The following ARHGAP24 variants were observed in gnomAD, a reference collection of about 807,000 sequenced individuals.
The protein encoded by ARHGAP24 is Rho GTPase activating protein 24, also known as rho GTPase-activating protein 24.
Under a neutral mutation model 76.4 loss-of-function variants are expected in ARHGAP24, and 50 were observed. The observed-to-expected ratio is 0.65, with a 90% CI of 0.52 to 0.83. ARHGAP24 has a LOEUF of 0.83. Ranked by LOEUF, ARHGAP24 falls within the 40% of genes least tolerant of loss-of-function variation. The pLI, the probability that ARHGAP24 is intolerant of heterozygous loss-of-function variation, is 0.00. For synonymous variants in ARHGAP24, 345 were observed against 323.3 expected (o/e 1.07, Z -0.72); for missense variants, 930 against 914.2 (o/e 1.02, Z -0.22).
intron 3 of ARHGAP24, among the ~76,000 whole-genome samples, chr4:85,920,688 A>C (rs1349105717): frequency 6.6e-6 from 1 of 152,200 alleles, no homozygotes; most frequent in Non-Finnish European, 1.5e-5. Context: ...AGAAAAAAAC[A>C]GCCCCATTAA....
intron 3 of ARHGAP24, among the ~76,000 whole-genome samples, chr4:85,810,065 G>A (rs1287640191): frequency 6.6e-6 from 1 of 152,106 alleles, no homozygotes; most frequent in Admixed American, 6.5e-5. Flanking sequence ...CTGTCGAGAG[G>A]ATAATAAAAA....
At chr4:85,920,304 A>G (rs1213785099) in intron 3 of ARHGAP24, among the ~76,000 whole-genome samples, 1 of 152,138 alleles carries the variant, frequency 6.6e-6, no homozygotes, top group African/African-American at 2.4e-5. Flanking sequence ...GACTAAGTAT[A>G]TATAATTGTC....
chr4:86,001,248 A>G lies in ARHGAP24; in HGVS notation c.*526A>G. On this transcript the variant is annotated 3_prime_UTR_variant, in exon 10 of 10. Coordinates refer to ENST00000395184, the MANE Select transcript of ARHGAP24 (RefSeq NM_001025616.3). Reference sequence around the variant, plus strand: ...ACTTTGTGGCTGTGCTGTTTGTGCCAATAGACTTTGTCATGACCAAAAAGA... The same window carrying G: ...ACTTTGTGGCTGTGCTGTTTGTGCCGATAGACTTTGTCATGACCAAAAAGA... The G allele has an allele frequency of 2.5e-6, 1 of 399,096 alleles. No individual in the cohort carries two copies. Among genetic ancestry groups the G allele is most frequent in the Non-Finnish European group, 4.4e-6 (1 of 226,096 alleles). The allele number at this position is 399,096 out of a possible 1,614,324, so 24.7% of individuals were successfully genotyped here.
At chr4:85,845,642 T>C (rs1730843877) in intron 3 of ARHGAP24, among the ~76,000 whole-genome samples, 1 of 152,182 alleles carries the variant, frequency 6.6e-6, no homozygotes, top group Admixed American at 6.5e-5. Flanking sequence ...CCCTAATCAC[T>C]ACCTACCTGA....
intron 2 of ARHGAP24, among the ~76,000 whole-genome samples, chr4:85,634,081 C>T (rs1045776162): frequency 1.3e-5 from 2 of 151,944 alleles, no homozygotes; most frequent in Admixed American, 1.3e-4. Flanking sequence ...TAGTAATTAG[C>T]AGTCTCATTC....
At chr4:85,494,153 T>C (rs889699930) in intron 1 of ARHGAP24, among the ~76,000 whole-genome samples, 1 of 152,176 alleles carries the variant, frequency 6.6e-6, no homozygotes, top group East Asian at 1.9e-4. Context: ...TGTTTTCTTT[T>C]TTTTCTTTAT....
intron 2 of ARHGAP24, among the ~76,000 whole-genome samples, chr4:85,720,399 T>C (rs553562718): frequency 3.3e-5 from 5 of 152,330 alleles, no homozygotes; most frequent in East Asian, 3.9e-4. Context: ...ATAGTAGAGA[T>C]AATGATTTCT....
At chr4:85,725,332 C>T (rs1336734755) in intron 3 of ARHGAP24, among the ~76,000 whole-genome samples, 1 of 152,150 alleles carries the variant, frequency 6.6e-6, no homozygotes, top group Non-Finnish European at 1.5e-5. Flanking sequence ...ATTTACCAGG[C>T]TTATGGAAGA....
chr4:85,495,405 T>C (rs539188988), intron 1 of ARHGAP24, among the ~76,000 whole-genome samples: 82 of 138,306 alleles, frequency 5.9e-4, no homozygotes, highest in Non-Finnish European at 1.0e-3. Context: ...GGCTGGAGTG[T>C]AGTGGCGCGA....
chr4:85,721,804 T>C, intron 2 of ARHGAP24, 81 bp from the exon 3 acceptor site: 4 of 1,230,054 alleles, frequency 3.3e-6, no homozygotes, highest in Non-Finnish European at 3.6e-6. Context: ...TAGCTACACC[T>C]TGGATATTCA....
intron 2 of ARHGAP24, among the ~76,000 whole-genome samples, chr4:85,669,382 A>G (rs1303375224): frequency 1.3e-5 from 2 of 152,032 alleles, no homozygotes; most frequent in Non-Finnish European, 2.9e-5. Context: ...CAATAGGCCC[A>G]TTCTAATATT....
chr4:85,691,518 G>A (rs1326920135), intron 2 of ARHGAP24, among the ~76,000 whole-genome samples: 28 of 152,100 alleles, frequency 1.8e-4, no homozygotes, highest in Admixed American at 1.8e-3. Context: ...ATTAATCTTG[G>A]TGCCCCAATG....
At chr4:85,860,980 A>G (rs954679291) in intron 3 of ARHGAP24, among the ~76,000 whole-genome samples, 1 of 149,866 alleles carries the variant, frequency 6.7e-6, no homozygotes, top group African/African-American at 2.5e-5. Context: ...ATAAGAACAT[A>G]TATTATTCTG....
At chr4:85,955,557 G>T (rs1737862050) in intron 5 of ARHGAP24, among the ~76,000 whole-genome samples, 1 of 152,126 alleles carries the variant, frequency 6.6e-6, no homozygotes, top group African/African-American at 2.4e-5. Context: ...TCCTTGGCTT[G>T]TAGCTACATA....
At chr4:85,939,527 T>C (rs1481499577) in intron 4 of ARHGAP24, among the ~76,000 whole-genome samples, 1 of 152,144 alleles carries the variant, frequency 6.6e-6, no homozygotes, top group Admixed American at 6.5e-5. Flanking sequence ...GATGAGAGAA[T>C]ATTGTGAGGG....
At chr4:85,719,970 G>C (rs974484335) in intron 2 of ARHGAP24, among the ~76,000 whole-genome samples, 1 of 152,038 alleles carries the variant, frequency 6.6e-6, no homozygotes, top group African/African-American at 2.4e-5. Context: ...GTAGTTGCTG[G>C]ATGATAGAAA....
At chr4:85,742,031 G>A (rs993878242) in intron 3 of ARHGAP24, among the ~76,000 whole-genome samples, 16 of 152,222 alleles carry the variant, frequency 1.1e-4, no homozygotes, top group Non-Finnish European at 2.9e-5. Flanking sequence ...GGGGGAGGGA[G>A]TGGTAAGGCA....
chr4:85,677,428 A>G (rs1177594024), intron 2 of ARHGAP24, among the ~76,000 whole-genome samples: 1 of 152,190 alleles, frequency 6.6e-6, no homozygotes, highest in Non-Finnish European at 1.5e-5. Context: ...AATGAGCTTA[A>G]TTAACCTATT....
At chr4:85,883,510 C>G (rs1322265153) in intron 3 of ARHGAP24, among the ~76,000 whole-genome samples, 1 of 152,060 alleles carries the variant, frequency 6.6e-6, no homozygotes, top group Non-Finnish European at 1.5e-5. Context: ...ATTTAGGGAC[C>G]AGAGAGTCAT....
Sources: allele counts gnomAD v4.1 joint callset (sites outside exome capture counted in the v4.1 genomes callset), GRCh38; gene constraint gnomAD v4.1.1; transcripts MANE v1.5; gene names NCBI Gene and HGNC (gene_info 2026-07-23, HGNC 2026-07-21).